Variants in COL25A1 observed in about 807,000 individuals in gnomAD.
COL25A1 encodes the protein collagen alpha-1(XXV) chain.
Under a neutral mutation model 128.4 loss-of-function variants are expected in COL25A1, and 103 were observed. That is an observed-to-expected ratio of 0.80 (90% CI 0.68 to 0.94). The LOEUF (loss-of-function observed/expected upper bound fraction) is 0.94. Among genes scored for constraint, COL25A1 ranks in the 40% least tolerant of loss-of-function variants. COL25A1 has a pLI of 0.00. For synonymous variants in COL25A1, 279 were observed against 277.2 expected (o/e 1.01, Z -0.06); for missense variants, 745 against 840.0 (o/e 0.89, Z 1.40).
At chr4:109,208,107 C>A (rs952421659) in intron 3 of COL25A1, among the ~76,000 whole-genome samples, 7 of 152,146 alleles carry the variant, frequency 4.6e-5, no homozygotes, top group African/African-American at 1.7e-4. Flanking sequence ...CTAATTCCAA[C>A]ACAGCATGCA....
At chr4:109,299,033 G>A (rs988063855) in intron 3 of COL25A1, among the ~76,000 whole-genome samples, 8 of 152,242 alleles carry the variant, frequency 5.3e-5, no homozygotes, top group East Asian at 1.9e-4. Flanking sequence ...TAAACATCAC[G>A]AAACAATTAT....
intron 27 of COL25A1, 77 bp downstream of exon 27, chr4:108,848,681 AT>A: frequency 1.0e-6 from 1 of 980,128 alleles, no homozygotes. Context: ...TGCTCATGAC[AT>A]TTTGGCTTCA....
intron 3 of COL25A1, among the ~76,000 whole-genome samples, chr4:109,252,502 G>C (rs1271717294): frequency 1.3e-5 from 2 of 152,154 alleles, no homozygotes; most frequent in Non-Finnish European, 2.9e-5. Context: ...CTACCTACTT[G>C]ATTATTAAAA....
chr4:109,068,733 G>A (rs1480531012), intron 3 of COL25A1, among the ~76,000 whole-genome samples: 3 of 152,010 alleles, frequency 2.0e-5, no homozygotes, highest in African/African-American at 4.8e-5. Context: ...TGTATAAAAT[G>A]GAAATACTAA....
At chr4:109,210,406 C>T (rs1777402059) in intron 3 of COL25A1, among the ~76,000 whole-genome samples, 1 of 152,126 alleles carries the variant, frequency 6.6e-6, no homozygotes, top group South Asian at 2.1e-4. Flanking sequence ...TCAAAATAGT[C>T]GCTCTCTCTT....
chr4:108,906,910 T>C (rs376532488), intron 13 of COL25A1, among the ~76,000 whole-genome samples: 1 of 152,178 alleles, frequency 6.6e-6, no homozygotes, highest in African/African-American at 2.4e-5. Context: ...TACATGAAGA[T>C]GTGAAGCACT....
chr4:109,197,446 T>C (rs1352446013), intron 3 of COL25A1, among the ~76,000 whole-genome samples: 1 of 120,292 alleles, frequency 8.3e-6, no homozygotes, highest in African/African-American at 3.1e-5. Flanking sequence ...ATATATTATA[T>C]ATATTATATA....
chr4:109,103,150 G>T (rs2126025214), intron 3 of COL25A1, among the ~76,000 whole-genome samples: 1 of 152,212 alleles, frequency 6.6e-6, no homozygotes, highest in East Asian at 1.9e-4. Flanking sequence ...GCTACAAAGA[G>T]ATCTTATTTC....
chr4:109,014,380 A>G (rs1015762865), intron 5 of COL25A1, among the ~76,000 whole-genome samples: 4 of 151,950 alleles, frequency 2.6e-5, no homozygotes, highest in Non-Finnish European at 5.9e-5. Context: ...GTGTTATGTG[A>G]AAGTTAAAAT....
intron 11 of COL25A1, among the ~76,000 whole-genome samples, chr4:108,922,245 T>C (rs919928206): frequency 6.6e-6 from 1 of 152,230 alleles, no homozygotes; most frequent in Admixed American, 6.5e-5. Flanking sequence ...TTGGAGGCTG[T>C]GGTGATAGGA....
chr4:109,251,459 T>C (rs1433635098), intron 3 of COL25A1, among the ~76,000 whole-genome samples: 1 of 152,188 alleles, frequency 6.6e-6, no homozygotes, highest in Non-Finnish European at 1.5e-5. Flanking sequence ...AGAGACACGC[T>C]AGGAGATCCC....
At chr4:109,178,866 T>G (rs960210918) in intron 3 of COL25A1, among the ~76,000 whole-genome samples, 1 of 149,220 alleles carries the variant, frequency 6.7e-6, no homozygotes, top group African/African-American at 2.5e-5. Flanking sequence ...AAAAATGGAT[T>G]TCATATCACC....
intron 5 of COL25A1, among the ~76,000 whole-genome samples, chr4:109,035,723 A>G (rs1759278727): frequency 6.6e-6 from 1 of 152,098 alleles, no homozygotes; most frequent in East Asian, 1.9e-4. Flanking sequence ...GAAACTTCAT[A>G]TTATAGGAAA....
At chr4:108,918,344 C>T (rs906552095) in intron 12 of COL25A1, 128 bp from the exon 13 acceptor site, 4 of 560,894 alleles carry the variant, frequency 7.1e-6, no homozygotes, top group African/African-American at 5.8e-5. Context: ...CAGACCTTAT[C>T]CACTGTGTTC....
In COL25A1 at chr4:109,109,418, A is replaced by G. The variant is rs570747317; in HGVS notation, c.368-59239T>C. On this transcript the variant is annotated intron_variant, in intron 3 of 37. Transcript: ENST00000399132. ...ACCACCATCTTTGTATTTTTAGTACAGATGGGTTTTTGCCATGTTGGCCAG... is the reference window on the plus strand; with the variant it reads ...ACCACCATCTTTGTATTTTTAGTACGGATGGGTTTTTGCCATGTTGGCCAG... Among the ~76,000 whole-genome samples the G allele has an allele frequency of 7.2e-4, 110 of 152,324 alleles. 1 individual carries two copies. Among genetic ancestry groups the G allele is most frequent in the Non-Finnish European group, 1.3e-3 (88 of 68,026 alleles).
chr4:108,835,608 G>A (rs1310611281), intron 31 of COL25A1, among the ~76,000 whole-genome samples: 1 of 151,406 alleles, frequency 6.6e-6, no homozygotes, highest in African/African-American at 2.4e-5. Flanking sequence ...AGGCTGAAGT[G>A]CAATGGCACA....
At chr4:108,846,337 T>G (rs983444605) in intron 27 of COL25A1, 118 bp from the exon 28 acceptor site, 3 of 705,332 alleles carry the variant, frequency 4.3e-6, no homozygotes, top group Non-Finnish European at 5.1e-6. Context: ...GTTGAGATGA[T>G]TCTGATTTTT....
intron 3 of COL25A1, among the ~76,000 whole-genome samples, chr4:109,204,103 A>G (rs1776791888): frequency 6.6e-6 from 1 of 152,214 alleles, no homozygotes; most frequent in African/African-American, 2.4e-5. Context: ...TAACAGAAAC[A>G]GCAGCTAAAT....
intron 3 of COL25A1, among the ~76,000 whole-genome samples, chr4:109,192,493 A>G (rs1396309185): frequency 2.0e-5 from 3 of 152,186 alleles, no homozygotes; most frequent in African/African-American, 7.2e-5. Context: ...GCCTTTAAAA[A>G]GGTAATTAAG....
Sources: allele counts gnomAD v4.1 joint callset (sites outside exome capture counted in the v4.1 genomes callset), GRCh38; gene constraint gnomAD v4.1.1; transcripts MANE v1.5; gene names NCBI Gene and HGNC (gene_info 2026-07-23, HGNC 2026-07-21).